The following MARCHF1 variants were observed in gnomAD, a reference collection of about 807,000 sequenced individuals.
MARCHF1 encodes the protein membrane associated ring-CH-type finger 1.
In MARCHF1, 40 loss-of-function variants were observed where a neutral mutation model predicts 54.2. That is an observed-to-expected ratio of 0.74 (90% CI 0.57 to 0.96). The LOEUF (loss-of-function observed/expected upper bound fraction) is 0.96, where lower values mean the gene tolerates loss of function less well. Among genes scored for constraint, MARCHF1 ranks in the 40% least tolerant of loss-of-function variants. The pLI, the probability that MARCHF1 is intolerant of heterozygous loss-of-function variation, is 0.00. For synonymous variants in MARCHF1, 236 were observed against 236.3 expected (o/e 1.00, Z 0.01); for missense variants, 586 against 656.5 (o/e 0.89, Z 1.17).
intron 1 of MARCHF1, among the ~76,000 whole-genome samples, chr4:164,309,360 A>G (rs1251797281): frequency 6.6e-6 from 1 of 151,796 alleles, no homozygotes; most frequent in African/African-American, 2.4e-5. Context: ...GCCACATTTC[A>G]GGAAGAGGCA....
intron 4 of MARCHF1, among the ~76,000 whole-genome samples, chr4:163,723,537 G>C (rs189794179): frequency 6.6e-6 from 1 of 152,010 alleles, no homozygotes; most frequent in Non-Finnish European, 1.5e-5. Flanking sequence ...TCTTTGTGGC[G>C]TTCTCTGTAT....
At chr4:164,347,092 C>G (rs1036017822) in intron 1 of MARCHF1, among the ~76,000 whole-genome samples, 2 of 151,858 alleles carry the variant, frequency 1.3e-5, no homozygotes, top group Admixed American at 1.3e-4. Flanking sequence ...GTTTCCCAAA[C>G]ACATTGAACT....
chr4:163,729,762 C>T (rs1260194808), intron 4 of MARCHF1, among the ~76,000 whole-genome samples: 1 of 152,012 alleles, frequency 6.6e-6, no homozygotes, highest in East Asian at 1.9e-4. Flanking sequence ...GGCATTTGGG[C>T]CACCAAAATT....
At chr4:164,052,519 G>A (rs1208622178) in intron 2 of MARCHF1, among the ~76,000 whole-genome samples, 2 of 151,706 alleles carry the variant, frequency 1.3e-5, no homozygotes, top group Non-Finnish European at 2.9e-5. Context: ...GTGACAGAGT[G>A]ACTTCGTCTC....
At chr4:164,116,332 G>A (rs1008310681) in intron 1 of MARCHF1, among the ~76,000 whole-genome samples, 1 of 152,018 alleles carries the variant, frequency 6.6e-6, no homozygotes, top group Non-Finnish European at 1.5e-5. Context: ...ACATTTTAGG[G>A]CAGGAGTCTG....
intron 1 of MARCHF1, among the ~76,000 whole-genome samples, chr4:164,283,665 T>G (rs1288794519): frequency 6.6e-6 from 1 of 150,818 alleles, no homozygotes; most frequent in African/African-American, 2.4e-5. Flanking sequence ...TGGTTGCCAG[T>G]TAGATCAACC....
At chr4:164,067,972 G>C (rs549706749) in intron 2 of MARCHF1, among the ~76,000 whole-genome samples, 1 of 152,172 alleles carries the variant, frequency 6.6e-6, no homozygotes, top group South Asian at 2.1e-4. Context: ...ATGAAAAAAT[G>C]CTTATTATCA....
chr4:164,221,957 G>A (rs925230464), intron 1 of MARCHF1, among the ~76,000 whole-genome samples: 2 of 145,664 alleles, frequency 1.4e-5, no homozygotes, highest in African/African-American at 5.2e-5. Flanking sequence ...ATAACTGCCA[G>A]TACCTAAAGA....
chr4:164,027,194 C>G (rs1208741815), intron 2 of MARCHF1, among the ~76,000 whole-genome samples: 1 of 151,522 alleles, frequency 6.6e-6, no homozygotes. Context: ...CAATTCCAAT[C>G]AAACTACCAG....
chr4:163,744,285 A>G (rs1561053801), intron 4 of MARCHF1, among the ~76,000 whole-genome samples: 1 of 152,114 alleles, frequency 6.6e-6, no homozygotes, highest in Non-Finnish European at 1.5e-5. Context: ...TAGGTTTTTC[A>G]TATTTATTTC....
rs548542719 is a variant in MARCHF1 at position 163,974,951 on chromosome 4, G to C, written c.-39+13550C>G. ...TGAAGTCCTGAATTTAAAAATAAAAGGCTAAGCAAGAATTCCTCCTGCCTG... is the reference window on the plus strand; with the variant it reads ...TGAAGTCCTGAATTTAAAAATAAAACGCTAAGCAAGAATTCCTCCTGCCTG... On this transcript the variant is annotated intron_variant, in intron 3 of 9. Transcript: ENST00000514618. Among the ~76,000 whole-genome samples the C allele has an allele frequency of 3.5e-4, 54 of 152,200 alleles. 1 individual carries two copies. In the South Asian group the frequency reaches 3.9e-3, roughly 11 times the overall value.
rs530245520 is a variant in MARCHF1, at chr4:163,722,970, CTT to C, written c.112-22109_112-22108del. 6.2e-3 allele frequency among the ~76,000 whole-genome samples: 947 copies of C among 152,296 alleles called. 3 individuals carry two copies. Among genetic ancestry groups the C allele is most frequent in the African/African-American group, 0.022 (896 of 41,556 alleles). ...TAAAGCACACTGATGGGTCTTGACTCTTTATCCAATTTGCCAGTCTGTGTCTT... is the reference window on the plus strand; with the variant it reads ...TAAAGCACACTGATGGGTCTTGACTCTATCCAATTTGCCAGTCTGTGTCTT... On this transcript the variant is annotated intron_variant, in intron 4 of 9. Coordinates refer to ENST00000514618, the MANE Select transcript of MARCHF1 (RefSeq NM_001394959.1).
rs993195170 is a variant in MARCHF1 at position 163,568,578 on chromosome 4, C to A, written c.1191+17171G>T. Among the ~76,000 whole-genome samples, 4 of 152,084 alleles carry A rather than the reference C, an allele frequency of 2.6e-5. No homozygotes were observed. In the South Asian group the frequency reaches 6.2e-4, roughly 24 times the overall value. On this transcript the variant is annotated intron_variant, in intron 8 of 9. Transcript: ENST00000514618. ...TACCTATTAAAGGTGTCTGGAGATA[C>A]CTTTATGACAATGAAATATCTTTAT...
chr4:163,858,869 T>C (rs1321419384), intron 3 of MARCHF1, among the ~76,000 whole-genome samples: 2 of 152,164 alleles, frequency 1.3e-5, no homozygotes, highest in Non-Finnish European at 2.9e-5. Context: ...TAAGGACTTC[T>C]TGCTTGGGTT....
intron 1 of MARCHF1, among the ~76,000 whole-genome samples, chr4:164,235,578 A>G (rs1732526156): frequency 6.6e-6 from 1 of 152,118 alleles, no homozygotes; most frequent in South Asian, 2.1e-4. Flanking sequence ...AGAAACTGGC[A>G]TGGCAGCAAC....
chr4:163,537,687 G>A (rs1738584138), intron 9 of MARCHF1, among the ~76,000 whole-genome samples: 1 of 152,110 alleles, frequency 6.6e-6, no homozygotes, highest in African/African-American at 2.4e-5. Context: ...GAAATTCTTG[G>A]ACAGCAATTA....
chr4:164,267,015 C>A (rs1733627347), intron 1 of MARCHF1, among the ~76,000 whole-genome samples: 1 of 152,048 alleles, frequency 6.6e-6, no homozygotes, highest in South Asian at 2.1e-4. Context: ...ACATCACAGT[C>A]CAACATTCAC....
At chr4:164,256,210 AAAC>A (rs1450060261) in intron 1 of MARCHF1, among the ~76,000 whole-genome samples, 17 of 152,004 alleles carry the variant, frequency 1.1e-4, no homozygotes, top group Non-Finnish European at 1.9e-4. Context: ...TAAAATTAGA[AAAC>A]AACAAGTCAA....
At chr4:163,843,143 C>A (rs926296917) in intron 4 of MARCHF1, among the ~76,000 whole-genome samples, 24 of 152,192 alleles carry the variant, frequency 1.6e-4, no homozygotes, top group African/African-American at 5.1e-4. Context: ...TGTGTTAATT[C>A]ACTAAGGATA....
Sources: allele counts gnomAD v4.1 joint callset (sites outside exome capture counted in the v4.1 genomes callset), GRCh38; gene constraint gnomAD v4.1.1; transcripts MANE v1.5; gene names NCBI Gene and HGNC (gene_info 2026-07-23, HGNC 2026-07-21).